The following APOL6 variants were observed in gnomAD, a reference collection of about 807,000 sequenced individuals.
The protein encoded by APOL6 is apolipoprotein L6, also known as apolipoprotein L, 6.
APOL6 carries 1 observed loss-of-function variant against 2.4 expected under a neutral mutation model. That is an observed-to-expected ratio of 0.41 (90% CI 0.15 to 1.94). The LOEUF (loss-of-function observed/expected upper bound fraction) is 1.94, where lower values mean the gene tolerates loss of function less well. APOL6 is among the 30% of genes most tolerant of loss of function. The probability of loss-of-function intolerance (pLI) is 0.30; values close to 1 mark genes in which losing one functional copy is unlikely to be tolerated. For missense variants in APOL6, 438 were observed against 429.2 expected (o/e 1.02, Z -0.18); for synonymous variants, 189 against 169.3 (o/e 1.12, Z -0.90).
intron 1 of APOL6, among the ~76,000 whole-genome samples, chr22:35,654,753 T>C (rs1291880248): frequency 3.9e-5 from 6 of 152,120 alleles, no homozygotes; most frequent in East Asian, 1.9e-4. Context: ...GTGGTCATAA[T>C]TGTGAGAGAA....
At chr22:35,650,372 G>T (rs751184974) in intron 1 of APOL6, among the ~76,000 whole-genome samples, 40 of 152,142 alleles carry the variant, frequency 2.6e-4, no homozygotes, top group Admixed American at 4.6e-4. Flanking sequence ...CAACCCAAAG[G>T]TTCAACAGTG....
chr22:35,665,335 C>T lies in APOL6; in HGVS notation c.*5739C>T, dbSNP rs780283096. On this transcript the variant is annotated 3_prime_UTR_variant, in exon 3 of 3. Transcript: ENST00000409652. ...ACACTGATGACAATCAAAGCCTCAT[C>T]TTAAGGCCCCGTAGAAGATGCCAAT... is the stretch of plus-strand genomic sequence containing the variant. 4 of 152,128 alleles carry T rather than the reference C, an allele frequency of 2.6e-5. No homozygotes were observed. Among genetic ancestry groups the T allele is most frequent in the Non-Finnish European group, 5.9e-5 (4 of 68,026 alleles). The allele number at this position is 152,128 out of a possible 1,614,324, so 9.4% of individuals were successfully genotyped here.
At position 35,659,323 on chromosome 22, in the gene APOL6, A is replaced by G; in HGVS notation, c.759A>G (p.Ser253=). The change falls in exon 3 of 3, where the codon TCA becomes TCG. Residue 253 remains serine, a synonymous_variant. Coordinates refer to ENST00000409652, the MANE Select transcript of APOL6 (RefSeq NM_030641.4). ...TTGGCTATGACTTGGCCACTCTCTCAAAGGAATGGAAGCACCTGAAGGAAG... is the reference window on the plus strand; with the variant it reads ...TTGGCTATGACTTGGCCACTCTCTCGAAGGAATGGAAGCACCTGAAGGAAG... The part of the protein sequence containing the change: ...FSLGYDLATL[S]KEWKHLKEGA... 1 of 1,614,016 alleles carries G rather than the reference A, an allele frequency of 6.2e-7. No homozygotes were observed. Among genetic ancestry groups the G allele is most frequent in the Non-Finnish European group, 8.5e-7 (1 of 1,179,954 alleles).
rs1398202957 is a variant in APOL6, at chr22:35,666,138, A to G, written c.*6542A>G. 6.6e-6 allele frequency: 1 copy of G among 152,222 alleles called. No individual in the cohort carries two copies. The highest frequency in any genetic ancestry group is 1.5e-5 in the Non-Finnish European group (1 of 68,052). The allele number at this position is 152,222 out of a possible 1,614,324, so 9.4% of individuals were successfully genotyped here. ...TTAGTGTACATTATCAGTAATAATC[A>G]TAATTGTTATATTAAAATTATTGTG... On this transcript the variant is annotated 3_prime_UTR_variant, in exon 3 of 3. Transcript: ENST00000409652.
In APOL6 at chr22:35,663,648, T is replaced by C. The variant is rs1384806000; in HGVS notation, c.*4052T>C. 6.6e-6 allele frequency: 1 copy of C among 152,148 alleles called. No individual in the cohort carries two copies. The highest frequency in any genetic ancestry group is 1.5e-5 in the Non-Finnish European group (1 of 68,024). The allele number at this position is 152,148 out of a possible 1,614,324, so 9.4% of individuals were successfully genotyped here. On this transcript the variant is annotated 3_prime_UTR_variant, in exon 3 of 3. Coordinates refer to ENST00000409652, the MANE Select transcript of APOL6 (RefSeq NM_030641.4). The stretch of plus-strand genomic sequence containing the variant: ...GAATGTAGTTTCGTTTTATGTTTAA[T>C]ATCGCTCAAAGAAAAATAAAAGCAT...
At position 35,665,034 on chromosome 22, in the gene APOL6, G is replaced by A; in HGVS notation, c.*5438G>A. 6.6e-6 allele frequency: 1 copy of A among 151,928 alleles called. No individual in the cohort carries two copies. Among genetic ancestry groups the A allele is most frequent in the Non-Finnish European group, 1.5e-5 (1 of 67,982 alleles). 9.4% of individuals were successfully genotyped at this position (151,928 alleles called of 1,614,324 possible). ...AACTGGTTGTTTAACAAGGAGGGAT[G>A]TTCAGGACAAACCAGAAAGTCCAAG... On this transcript the variant is annotated 3_prime_UTR_variant, in exon 3 of 3. Transcript: ENST00000409652.
rs1294187638 is a variant in APOL6 at position 35,663,228 on chromosome 22, C to T, written c.*3632C>T. The T allele has an allele frequency of 6.6e-6, 1 of 152,138 alleles. No individual in the cohort carries two copies. The highest frequency in any genetic ancestry group is 2.4e-5 in the African/African-American group (1 of 41,430). The allele number at this position is 152,138 out of a possible 1,614,324, so 9.4% of individuals were successfully genotyped here. A position where few individuals can be genotyped will look rare whatever the true frequency, so the allele number is the denominator to read the frequency against. ...AAAAACTTTTTTTAAATTTTAATTACTATAGGGGCTTTATTTACATAACAC... is the reference window on the plus strand; with the variant it reads ...AAAAACTTTTTTTAAATTTTAATTATTATAGGGGCTTTATTTACATAACAC... On this transcript the variant is annotated 3_prime_UTR_variant, in exon 3 of 3. Coordinates refer to ENST00000409652, the MANE Select transcript of APOL6 (RefSeq NM_030641.4).
chr22:35,652,906 T>C (rs1420516083), intron 1 of APOL6, among the ~76,000 whole-genome samples: 1 of 152,090 alleles, frequency 6.6e-6, no homozygotes, highest in Non-Finnish European at 1.5e-5. Context: ...ATATGAACTT[T>C]AAAGTAGTTT....
intron 1 of APOL6, among the ~76,000 whole-genome samples, chr22:35,654,041 A>T (rs1028775219): frequency 6.6e-6 from 1 of 152,220 alleles, no homozygotes; most frequent in Non-Finnish European, 1.5e-5. Context: ...ATTATAAAGG[A>T]TCCAACTCAA....
chr22:35,656,385 A>C lies in APOL6; in HGVS notation c.-41A>C. The stretch of plus-strand genomic sequence containing the variant: ...TTTCTACATTCCTGACCAGAAAATC[A>C]TTTGACTCCTGGGGACACAGATTTG... On this transcript the variant is annotated 5_prime_UTR_variant, in exon 2 of 3. Transcript: ENST00000409652. 1 of 1,613,244 alleles carries C rather than the reference A, an allele frequency of 6.2e-7. No individual in the cohort carries two copies. Among genetic ancestry groups the C allele is most frequent in the South Asian group, 1.1e-5 (1 of 91,058 alleles).
At position 35,664,668 on chromosome 22, in the gene APOL6, T is replaced by A. The variant is rs958626178; in HGVS notation, c.*5072T>A. 1 of 152,184 alleles carries A rather than the reference T, an allele frequency of 6.6e-6. No individual in the cohort carries two copies. The highest frequency in any genetic ancestry group is 1.5e-5 in the Non-Finnish European group (1 of 68,026). The allele number at this position is 152,184 out of a possible 1,614,324, so 9.4% of individuals were successfully genotyped here. A position where few individuals can be genotyped will look rare whatever the true frequency, so the allele number is the denominator to read the frequency against. On this transcript the variant is annotated 3_prime_UTR_variant, in exon 3 of 3. Transcript: ENST00000409652. ...AACTAGGTAAATGTAATGGGATAAA[T>A]ACTTATAGACCAACTGGACATAATT...
rs1925226844 is a variant in APOL6, at chr22:35,667,749, C to T, written c.*8153C>T. On this transcript the variant is annotated 3_prime_UTR_variant, in exon 3 of 3. Transcript: ENST00000409652. ...CTTCCCCACCATGTTGCACCTAAAG[C>T]TTTGGAGTTTTCCTGTGATTAGTGT... is the stretch of plus-strand genomic sequence containing the variant. 1.3e-5 allele frequency: 2 copies of T among 152,214 alleles called. No homozygotes were observed. The highest frequency in any genetic ancestry group is 2.1e-4 in the South Asian group (1 of 4,816). The allele number at this position is 152,214 out of a possible 1,614,324, so 9.4% of individuals were successfully genotyped here.
At chr22:35,654,011 T>C (rs527618812) in intron 1 of APOL6, among the ~76,000 whole-genome samples, 1 of 152,342 alleles carries the variant, frequency 6.6e-6, no homozygotes, top group South Asian at 2.1e-4. Flanking sequence ...AGGGAAACAC[T>C]TATTTACAAT....
In APOL6 at chr22:35,667,881, C is replaced by T. The variant is rs1368918851; in HGVS notation, c.*8285C>T. ...GGGGACTAAACAAAATTCTGAGGCC[C>T]CCTCAACCATCTAAATGGACTTCCT... On this transcript the variant is annotated 3_prime_UTR_variant, in exon 3 of 3. Transcript: ENST00000409652. 6.6e-6 allele frequency: 1 copy of T among 152,168 alleles called. No individual in the cohort carries two copies. Among genetic ancestry groups the T allele is most frequent in the Admixed American group, 6.5e-5 (1 of 15,278 alleles). The allele number at this position is 152,168 out of a possible 1,614,324, so 9.4% of individuals were successfully genotyped here.
intron 1 of APOL6, among the ~76,000 whole-genome samples, chr22:35,653,631 C>A (rs947507796): frequency 1.3e-5 from 2 of 152,116 alleles, no homozygotes. Context: ...GGCAAGAGGG[C>A]GTGTGCGAGA....
At position 35,659,252 on chromosome 22, in the gene APOL6, A is replaced by AT; in HGVS notation, c.688_689insT (p.Thr230IlefsTer19). The AT allele has an allele frequency of 6.2e-7, 1 of 1,614,112 alleles. No homozygotes were observed. Among genetic ancestry groups the AT allele is most frequent in the Non-Finnish European group, 8.5e-7 (1 of 1,180,000 alleles). On this transcript the variant is annotated frameshift_variant, in exon 3 of 3. Transcript: ENST00000409652. LOFTEE classifies it low-confidence loss of function (END_TRUNC). ...CTTTGCGGGAACAACACTGGCGATG[A>AT]CCAAAAATGCTCGCGTGCTGGGAGG...
At position 35,659,572 on chromosome 22, in the gene APOL6, C is replaced by T. The variant is rs749363025; in HGVS notation, c.1008C>T (p.Val336=). ...TGTGGCTGTGTGTGTGTCTGTGTGTCTGTGTGTATGTACAGTTTACATGAA... is the reference window on the plus strand; with the variant it reads ...TGTGGCTGTGTGTGTGTCTGTGTGTTTGTGTGTATGTACAGTTTACATGAA... ...MWLWLCVCLC[V]CVYVQFT is the part of the protein sequence containing the mutation. Residue 336 remains valine (V), a synonymous_variant, in exon 3 of 3, where the codon GTC becomes GTT. Coordinates refer to ENST00000409652, the MANE Select transcript of APOL6 (RefSeq NM_030641.4). 1 of 1,608,992 alleles carries T rather than the reference C, an allele frequency of 6.2e-7. No homozygotes were observed. The highest frequency in any genetic ancestry group is 8.5e-7 in the Non-Finnish European group (1 of 1,177,574).
chr22:35,659,528 G>C lies in APOL6; in HGVS notation c.964G>C (p.Glu322Gln). The C allele has an allele frequency of 1.2e-6, 2 of 1,614,138 alleles. No homozygotes were observed. Among genetic ancestry groups the C allele is most frequent in the Non-Finnish European group, 1.7e-6 (2 of 1,180,026 alleles). Residue 322 changes from glutamate to glutamine, a missense_variant, in exon 3 of 3, where the codon GAG becomes CAG. Transcript: ENST00000409652. ...ETEAYWKELR[E>Q]HVWMWLWLCV... is the part of the protein sequence containing the mutation. ...CGAGGCTTACTGGAAGGAGTTAAGG[G>C]AGCATGTGTGGATGTGGCTGTGGCT...
chr22:35,665,328 G>C lies in APOL6; in HGVS notation c.*5732G>C, dbSNP rs151291211. Reference sequence around the variant, plus strand: ...ATCACAAACACTGATGACAATCAAAGCCTCATCTTAAGGCCCCGTAGAAGA... The same window carrying C: ...ATCACAAACACTGATGACAATCAAACCCTCATCTTAAGGCCCCGTAGAAGA... On this transcript the variant is annotated 3_prime_UTR_variant, in exon 3 of 3. Coordinates refer to ENST00000409652, the MANE Select transcript of APOL6 (RefSeq NM_030641.4). 3.9e-5 allele frequency: 6 copies of C among 152,074 alleles called. No homozygotes were observed. Among genetic ancestry groups the C allele is most frequent in the Non-Finnish European group, 8.8e-5 (6 of 68,024 alleles). 9.4% of individuals were successfully genotyped at this position (152,074 alleles called of 1,614,324 possible). A position where few individuals can be genotyped will look rare whatever the true frequency, so the allele number is the denominator to read the frequency against.
Sources: allele counts gnomAD v4.1 joint callset (sites outside exome capture counted in the v4.1 genomes callset), GRCh38; gene constraint gnomAD v4.1.1; transcripts MANE v1.5; gene names NCBI Gene and HGNC (gene_info 2026-07-23, HGNC 2026-07-21).